The following HDAC9 variants were observed in gnomAD, a reference collection of about 807,000 sequenced individuals.
HDAC9 encodes the protein histone deacetylase 9, also known as MEF-2 interacting transcription repressor (MITR) protein.
In HDAC9, 41 loss-of-function variants were observed where a neutral mutation model predicts 139.4. The observed-to-expected ratio is 0.29, with a 90% CI of 0.23 to 0.38. The LOEUF (loss-of-function observed/expected upper bound fraction) is 0.38, where lower values mean the gene tolerates loss of function less well. HDAC9 is among the 10% of genes least tolerant of loss of function. The pLI is 1.00. For synonymous variants in HDAC9, 517 were observed against 476.2 expected (o/e 1.09, Z -1.12); for missense variants, 1,147 against 1,297.0 (o/e 0.88, Z 1.78).
chr7:18,603,429 T>C (rs1458301874), intron 6 of HDAC9, among the ~76,000 whole-genome samples: 2 of 152,110 alleles, frequency 1.3e-5, no homozygotes, highest in African/African-American at 4.8e-5. Context: ...CAGTGCTCTC[T>C]ACTCTCTTAA....
intron 21 of HDAC9, among the ~76,000 whole-genome samples, chr7:18,858,562 G>A (rs894510881): frequency 6.6e-6 from 1 of 152,166 alleles, no homozygotes; most frequent in Non-Finnish European, 1.5e-5. Flanking sequence ...TGAGATTTGG[G>A]TGGGGACACC....
chr7:18,580,564 AC>A (rs1375785269), intron 2 of HDAC9, among the ~76,000 whole-genome samples: 1 of 152,204 alleles, frequency 6.6e-6, no homozygotes, highest in African/African-American at 2.4e-5. Context: ...TACATGTGTC[AC>A]AAGGTCTTGA....
At chr7:18,344,675 T>C (rs1050222620) in intron 1 of HDAC9, among the ~76,000 whole-genome samples, 2 of 151,878 alleles carry the variant, frequency 1.3e-5, no homozygotes, top group East Asian at 3.9e-4. Flanking sequence ...CAGAAAAAAA[T>C]AGGAGTTAAA....
At chr7:18,637,365 A>T (rs963028716) in intron 8 of HDAC9, among the ~76,000 whole-genome samples, 1 of 152,120 alleles carries the variant, frequency 6.6e-6, no homozygotes. Flanking sequence ...GAAAGTAAAT[A>T]AAAGATTTTG....
At chr7:18,964,120 C>G (rs1783699105) in intron 24 of HDAC9, among the ~76,000 whole-genome samples, 1 of 152,102 alleles carries the variant, frequency 6.6e-6, no homozygotes, top group African/African-American at 2.4e-5. Context: ...GCAGTTTGAC[C>G]TCTTAGAAAC....
chr7:18,987,804 A>G (rs1785493579), intron 25 of HDAC9, among the ~76,000 whole-genome samples: 1 of 152,066 alleles, frequency 6.6e-6, no homozygotes, highest in Non-Finnish European at 1.5e-5. Flanking sequence ...GGGAGAGTGT[A>G]TGTGTCCAGG....
intron 2 of HDAC9, among the ~76,000 whole-genome samples, chr7:18,175,506 A>T (rs1788815785): frequency 6.6e-6 from 1 of 152,132 alleles, no homozygotes; most frequent in South Asian, 2.1e-4. Flanking sequence ...CAGGCATCTC[A>T]GTTGGAAATG....
intron 24 of HDAC9, among the ~76,000 whole-genome samples, chr7:18,966,156 T>C (rs978931280): frequency 6.6e-6 from 1 of 152,264 alleles, no homozygotes; most frequent in African/African-American, 2.4e-5. Context: ...TAATTTTTAC[T>C]TTGAACACAT....
At chr7:18,889,242 C>T (rs983362992) in intron 22 of HDAC9, among the ~76,000 whole-genome samples, 1 of 152,068 alleles carries the variant, frequency 6.6e-6, no homozygotes, top group Non-Finnish European at 1.5e-5. Flanking sequence ...TTAGTGATAA[C>T]CTGGTTATCT....
chr7:18,989,148 C>T (rs963683526), intron 25 of HDAC9, among the ~76,000 whole-genome samples: 2 of 147,672 alleles, frequency 1.4e-5, no homozygotes, highest in Non-Finnish European at 3.0e-5. Flanking sequence ...GATGCAGTTT[C>T]TTCCTAGTCT....
chr7:18,474,813 G>A (rs1794989111), intron 1 of HDAC9, among the ~76,000 whole-genome samples: 1 of 151,986 alleles, frequency 6.6e-6, no homozygotes, highest in Admixed American at 6.6e-5. Flanking sequence ...AATGAATAAG[G>A]TAGTATGGAA....
intron 16 of HDAC9, among the ~76,000 whole-genome samples, chr7:18,777,822 C>T (rs753384673): frequency 2.6e-4 from 40 of 152,028 alleles, no homozygotes; most frequent in Admixed American, 4.6e-4. Context: ...AATAGAGAAT[C>T]CTGCAAAACA....
upstream of HDAC9, among the ~76,000 whole-genome samples, chr7:18,493,701 A>G (rs1223715961): frequency 6.6e-6 from 1 of 151,868 alleles, no homozygotes; most frequent in African/African-American, 2.4e-5. Flanking sequence ...CAAATTGTAC[A>G]CCTGAAATAT....
intron 1 of HDAC9, among the ~76,000 whole-genome samples, chr7:18,332,410 AGAT>A (rs1801001054): frequency 1.3e-4 from 19 of 150,922 alleles, no homozygotes; most frequent in African/African-American, 1.9e-4. Context: ...AGAGAGAGAG[AGAT>A]TTTTACTTTA....
chr7:18,128,773 T>C (rs2128099894), intron 1 of HDAC9, among the ~76,000 whole-genome samples: 1 of 152,138 alleles, frequency 6.6e-6, no homozygotes, highest in South Asian at 2.1e-4. Flanking sequence ...GCCATGTCTC[T>C]TTATTCCTTA....
chr7:18,456,497 A>G (rs908173881), intron 1 of HDAC9, among the ~76,000 whole-genome samples: 3 of 152,130 alleles, frequency 2.0e-5, no homozygotes, highest in Non-Finnish European at 4.4e-5. Flanking sequence ...GGCCTCCCAA[A>G]GTGCTGGGAT....
chr7:18,260,051 A>C (rs1445049858), intron 2 of HDAC9, among the ~76,000 whole-genome samples: 1 of 152,128 alleles, frequency 6.6e-6, no homozygotes, highest in Non-Finnish European at 1.5e-5. Context: ...TATATGGGCT[A>C]CTGTTAGGTG....
At chr7:18,196,863 A>C (rs1790765030) in intron 2 of HDAC9, among the ~76,000 whole-genome samples, 2 of 152,134 alleles carry the variant, frequency 1.3e-5, no homozygotes, top group South Asian at 4.2e-4. Flanking sequence ...CCATAGTGTG[A>C]TAGTTAATTT....
chr7:18,807,037 T>A (rs1197701936), intron 17 of HDAC9, among the ~76,000 whole-genome samples: 10 of 152,196 alleles, frequency 6.6e-5, no homozygotes, highest in Non-Finnish European at 1.5e-4. Flanking sequence ...TTTGCATTAA[T>A]TCTTTAAATG....
Sources: gnomAD v4.1 joint callset for allele counts (sites outside exome capture counted in the v4.1 genomes callset) on GRCh38, gnomAD v4.1.1 for gene constraint, MANE v1.5 for transcripts, NCBI Gene and HGNC (gene_info 2026-07-23, HGNC 2026-07-21) for gene names.